Variants in SFI1 observed in about 807,000 individuals in gnomAD.
The protein encoded by SFI1 is protein SFI1 homolog.
A neutral mutation model predicts 207.5 loss-of-function variants in SFI1; 195 were observed. The ratio of observed to expected loss-of-function variants is 0.94; its 90% confidence interval spans 0.84 to 1.06. SFI1 has a LOEUF of 1.06. Among genes scored for constraint, SFI1 ranks in the 50% least tolerant of loss-of-function variants. The pLI, the probability that SFI1 is intolerant of heterozygous loss-of-function variation, is 0.00. For synonymous variants in SFI1, 630 were observed against 598.9 expected, an observed-to-expected ratio of 1.05 and a Z score of -0.76; for missense variants, 1,634 against 1,588.0, an observed-to-expected ratio of 1.03 and a Z score of -0.49.
chr22:31,508,259 A>G lies in SFI1; in HGVS notation c.-26A>G. ...TTTATTCTCTTTTTCTTGTAGTTAG[A>G]AGGGGAAGATAAAAGACTTTGATTC... On this transcript the variant is annotated 5_prime_UTR_variant, in exon 2 of 33. Coordinates refer to ENST00000400288, the MANE Select transcript of SFI1 (RefSeq NM_001007467.3). 1.3e-6 allele frequency: 2 copies of G among 1,492,060 alleles called. No individual in the cohort carries two copies. Among genetic ancestry groups the G allele is most frequent in the South Asian group, 2.3e-5 (2 of 88,432 alleles). The allele number at this position is 1,492,060 out of a possible 1,614,324, so 92.4% of individuals were successfully genotyped here.
At chr22:31,502,474 A>G (rs1159910319) in intron 1 of SFI1, among the ~76,000 whole-genome samples, 2 of 151,850 alleles carry the variant, frequency 1.3e-5, no homozygotes, top group Non-Finnish European at 2.9e-5. Flanking sequence ...CCTGGGTTCA[A>G]GCGATTCTCC....
In SFI1 at chr22:31,602,636, G is replaced by GT. The variant is rs1432929859; in HGVS notation, c.1657dup (p.Tyr553LeufsTer2). 2 of 1,614,084 alleles carry GT rather than the reference G, an allele frequency of 1.2e-6. No homozygotes were observed. The highest frequency in any genetic ancestry group is 1.7e-6 in the Non-Finnish European group (2 of 1,180,062). On this transcript the variant is annotated frameshift_variant, in exon 17 of 33. Coordinates refer to ENST00000400288, the MANE Select transcript of SFI1 (RefSeq NM_001007467.3). LOFTEE classifies it high-confidence loss of function. Reference sequence around the variant, plus strand: ...TCCTTCACGCAGAGCGACAGCTTCTGTATAGGTCTTGGTTCATGTGGCACC... The same window carrying GT: ...TCCTTCACGCAGAGCGACAGCTTCTGTTATAGGTCTTGGTTCATGTGGCACC...
At chr22:31,543,104 G>A (rs2059728527) in intron 4 of SFI1, among the ~76,000 whole-genome samples, 1 of 151,080 alleles carries the variant, frequency 6.6e-6, no homozygotes, top group Admixed American at 6.6e-5. Context: ...CTGAGTAGTT[G>A]GGACTACAGG....
intron 22 of SFI1, 85 bp from the exon 23 acceptor site, chr22:31,611,058 A>T (rs2070023546): frequency 6.4e-7 from 1 of 1,570,656 alleles, no homozygotes; most frequent in Non-Finnish European, 8.8e-7. Flanking sequence ...CTGCACAGCC[A>T]TCTCTGCTGT....
At chr22:31,618,254 C>G in intron 32 of SFI1, 28 bp downstream of exon 32, 3 of 1,598,044 alleles carry the variant, frequency 1.9e-6, no homozygotes, top group Non-Finnish European at 2.6e-6. Flanking sequence ...CCCCAGGTGT[C>G]CCTGGGGACG....
At chr22:31,598,359 G>C (rs1042901910) in intron 15 of SFI1, among the ~76,000 whole-genome samples, 4 of 152,030 alleles carry the variant, frequency 2.6e-5, no homozygotes, top group African/African-American at 9.7e-5. Flanking sequence ...ACCCCAGAAA[G>C]TTCCTTCATG....
chr22:31,595,985 G>T (rs1189463917), intron 15 of SFI1, among the ~76,000 whole-genome samples: 1 of 152,162 alleles, frequency 6.6e-6, no homozygotes, highest in Non-Finnish European at 1.5e-5. Context: ...AGGTGTGGCG[G>T]CTCATGCCTG....
intron 15 of SFI1, among the ~76,000 whole-genome samples, chr22:31,593,452 G>A (rs1243072231): frequency 3.6e-5 from 5 of 140,454 alleles, no homozygotes; most frequent in Non-Finnish European, 7.8e-5. Context: ...GCTGGGAAGA[G>A]GCGCTCCTCA....
chr22:31,573,160 C>T lies in SFI1; in HGVS notation c.868C>T (p.Leu290=). The T allele has an allele frequency of 6.2e-7, 1 of 1,614,026 alleles. No individual in the cohort carries two copies. The highest frequency in any genetic ancestry group is 8.5e-7 in the Non-Finnish European group (1 of 1,180,012). The part of the protein sequence containing the change: ...HHQHWQKRRF[L]KAWLEYLQVR... ...TCAGCACTGGCAAAAACGGAGATTT[C>T]TAAAGGCCTGGCTTGAATACCTGCA... Residue 290 remains leucine (L), a synonymous_variant, in exon 9 of 33, where the codon CTA becomes TTA. Coordinates refer to ENST00000400288, the MANE Select transcript of SFI1 (RefSeq NM_001007467.3).
intron 10 of SFI1, among the ~76,000 whole-genome samples, chr22:31,576,504 A>G (rs2063523311): frequency 6.6e-6 from 1 of 150,956 alleles, no homozygotes; most frequent in African/African-American, 2.4e-5. Context: ...TGCTTTTAGT[A>G]GACATGGGGT....
intron 8 of SFI1, among the ~76,000 whole-genome samples, chr22:31,569,376 T>C (rs1233968578): frequency 2.0e-5 from 3 of 152,170 alleles, no homozygotes; most frequent in Non-Finnish European, 4.4e-5. Flanking sequence ...CATGAACTGT[T>C]CTTGCCTAAA....
chr22:31,556,087 T>G (rs2061131642), intron 6 of SFI1, among the ~76,000 whole-genome samples: 1 of 152,204 alleles, frequency 6.6e-6, no homozygotes, highest in Non-Finnish European at 1.5e-5. Context: ...ATCTTCCATA[T>G]CTAGTAAATT....
At chr22:31,542,496 T>C (rs919516017) in intron 4 of SFI1, among the ~76,000 whole-genome samples, 3 of 151,642 alleles carry the variant, frequency 2.0e-5, no homozygotes, top group Non-Finnish European at 4.4e-5. Flanking sequence ...GGCATGGTGG[T>C]GTATGTCTGT....
At position 31,613,143 on chromosome 22, in the gene SFI1, T is replaced by A. The variant is rs1402647614; in HGVS notation, c.2492T>A (p.Leu831Gln). Residue 831 changes from leucine to glutamine, a missense_variant and splice_region_variant, in exon 25 of 33, where the codon CTG becomes CAG. Coordinates refer to ENST00000400288, the MANE Select transcript of SFI1 (RefSeq NM_001007467.3). Reference sequence around the variant, plus strand: ...ATGATCTGGTCTTTCTGGCCCTAGCTGGCAGCCAGGAGGCAGGAGCAGCGG... The same window carrying A: ...ATGATCTGGTCTTTCTGGCCCTAGCAGGCAGCCAGGAGGCAGGAGCAGCGG... The part of the protein sequence containing the change: ...RTCFRQWRQQ[L>Q]AARRQEQRAT... 1.2e-6 allele frequency: 2 copies of A among 1,613,310 alleles called. No individual in the cohort carries two copies. The highest frequency in any genetic ancestry group is 1.7e-6 in the Non-Finnish European group (2 of 1,179,984).
At chr22:31,513,678 A>G (rs1359504292) in intron 2 of SFI1, among the ~76,000 whole-genome samples, 3 of 151,724 alleles carry the variant, frequency 2.0e-5, no homozygotes, top group African/African-American at 7.3e-5. Flanking sequence ...CCTGGGTTCA[A>G]GCGATTCTCC....
At chr22:31,517,688 C>T (rs1205737552) in intron 2 of SFI1, among the ~76,000 whole-genome samples, 4 of 151,910 alleles carry the variant, frequency 2.6e-5, no homozygotes, top group African/African-American at 9.7e-5. Flanking sequence ...TGTAATTGTC[C>T]TAGCACAGTT....
intron 4 of SFI1, among the ~76,000 whole-genome samples, chr22:31,534,323 A>G (rs922215286): frequency 6.6e-6 from 1 of 152,058 alleles, no homozygotes; most frequent in African/African-American, 2.4e-5. Context: ...GCCAATATTT[A>G]TTTAGATTTA....
intron 8 of SFI1, among the ~76,000 whole-genome samples, chr22:31,565,359 C>T (rs1373660951): frequency 1.3e-5 from 2 of 151,784 alleles, no homozygotes; most frequent in Non-Finnish European, 2.9e-5. Flanking sequence ...CACTTGAGGT[C>T]AAGTGTTTGA....
chr22:31,581,814 A>G (rs1397701639), intron 12 of SFI1, among the ~76,000 whole-genome samples: 1 of 152,192 alleles, frequency 6.6e-6, no homozygotes, highest in Non-Finnish European at 1.5e-5. Context: ...ACCTGGATAT[A>G]GTAATTGTTA....
Sources: gnomAD v4.1 joint callset for allele counts (sites outside exome capture counted in the v4.1 genomes callset) on GRCh38, gnomAD v4.1.1 for gene constraint, MANE v1.5 for transcripts, NCBI Gene and HGNC (gene_info 2026-07-23, HGNC 2026-07-21) for gene names.